The following PARD3 variants were observed in gnomAD, a reference collection of about 807,000 sequenced individuals.
PARD3 encodes partitioning defective 3 homolog.
A neutral mutation model predicts 155.4 loss-of-function variants in PARD3; 75 were observed. That is an observed-to-expected ratio of 0.48 (90% CI 0.40 to 0.58). PARD3 has a LOEUF of 0.58. Ranked by LOEUF, PARD3 falls within the 20% of genes least tolerant of loss-of-function variation. The probability of loss-of-function intolerance (pLI) is 0.00; values close to 1 mark genes in which losing one functional copy is unlikely to be tolerated. For missense variants in PARD3, 1,642 were observed against 1,721.7 expected (o/e 0.95, Z 0.82); for synonymous variants, 576 against 610.5 (o/e 0.94, Z 0.83).
intron 5 of PARD3, among the ~76,000 whole-genome samples, chr10:34,442,003 C>A (rs1003818187): frequency 6.6e-6 from 1 of 152,050 alleles, no homozygotes; most frequent in Non-Finnish European, 1.5e-5. Flanking sequence ...AATTTTAAAA[C>A]AATCTTGATG....
chr10:34,728,720 T>C (rs2094762732), intron 1 of PARD3, among the ~76,000 whole-genome samples: 1 of 152,222 alleles, frequency 6.6e-6, no homozygotes, highest in African/African-American at 2.4e-5. Flanking sequence ...TGCCTTTTGT[T>C]TCTCATTACC....
At chr10:34,490,601 T>C (rs891813476) in intron 3 of PARD3, among the ~76,000 whole-genome samples, 12 of 152,168 alleles carry the variant, frequency 7.9e-5, no homozygotes, top group Non-Finnish European at 1.3e-4. Context: ...CCTGTCAATA[T>C]AGTCTTGTGT....
intron 3 of PARD3, among the ~76,000 whole-genome samples, chr10:34,491,125 C>T (rs1340795861): frequency 4.6e-5 from 7 of 152,142 alleles, no homozygotes; most frequent in Non-Finnish European, 1.0e-4. Flanking sequence ...CTAGCCACAC[C>T]GGCTATTTAG....
rs546597910 is a variant in PARD3 at position 34,504,482 on chromosome 10, AAAT to A, written c.403+12494_403+12496del. Among the ~76,000 whole-genome samples, 24 of 152,308 alleles carry A rather than the reference AAAT, an allele frequency of 1.6e-4. No homozygotes were observed. The South Asian group carries it at 4.6e-3, about 29-fold the overall frequency. ...GTTGATATGTAGGCAATAAATTGAC[AAAT>A]AATAGTTTGTAAATTACTAATTTAC... On this transcript the variant is annotated intron_variant, in intron 3 of 24. Transcript: ENST00000374788.
intron 1 of PARD3, among the ~76,000 whole-genome samples, chr10:34,725,103 CTTTGTGTGTGTG>C (rs1287347707): frequency 2.7e-5 from 3 of 109,500 alleles, no homozygotes; most frequent in African/African-American, 1.1e-4. Context: ...TGAGTCAAAA[CTTTGTGTGTGTG>C]TGTGTGTGTG....
intron 1 of PARD3, among the ~76,000 whole-genome samples, chr10:34,720,448 C>CAAA (rs10603866): frequency 2.6e-4 from 15 of 56,866 alleles, no homozygotes; most frequent in African/African-American, 6.8e-4. Context: ...AAGGCTCTGT[C>CAAA]AAAAAAAAAA....
intron 11 of PARD3, 110 bp downstream of exon 11, chr10:34,374,764 T>C: frequency 9.9e-7 from 1 of 1,010,188 alleles, no homozygotes; most frequent in East Asian, 2.4e-5. Flanking sequence ...AAATATAAGA[T>C]CTAGAAACTC....
At chr10:34,322,171 G>A (rs906052651) in intron 19 of PARD3, among the ~76,000 whole-genome samples, 2 of 152,116 alleles carry the variant, frequency 1.3e-5, no homozygotes, top group African/African-American at 2.4e-5. Context: ...GAATGGCCCC[G>A]TTGGACTCAA....
intron 22 of PARD3, among the ~76,000 whole-genome samples, chr10:34,201,808 ACG>A: frequency 6.6e-6 from 1 of 152,340 alleles, no homozygotes; most frequent in Middle Eastern, 3.4e-3. Context: ...AAGGGAAGAA[ACG>A]TCGTTCTGTT....
rs539509259 is a variant in PARD3 at position 34,351,012 on chromosome 10, T to C, written c.2068-2897A>G. 6.6e-5 allele frequency among the ~76,000 whole-genome samples: 10 copies of C among 152,306 alleles called. No individual in the cohort carries two copies. In the South Asian group the frequency reaches 2.1e-3, roughly 32 times the overall value. On this transcript the variant is annotated intron_variant, in intron 14 of 24. Transcript: ENST00000374788. Reference sequence around the variant, plus strand: ...GTGGTCACTATCCCAAAGGAAATAATAAGCTAAGTGAATAATGAAAATTCA... The same window carrying C: ...GTGGTCACTATCCCAAAGGAAATAACAAGCTAAGTGAATAATGAAAATTCA...
intron 2 of PARD3, among the ~76,000 whole-genome samples, chr10:34,592,666 C>G (rs1218387083): frequency 6.6e-6 from 1 of 152,206 alleles, no homozygotes; most frequent in Non-Finnish European, 1.5e-5. Flanking sequence ...GTCCCAGCTA[C>G]TCCAGAGGCT....
chr10:34,194,933 C>T (rs1950875175), intron 22 of PARD3, among the ~76,000 whole-genome samples: 1 of 152,204 alleles, frequency 6.6e-6, no homozygotes, highest in Non-Finnish European at 1.5e-5. Context: ...AAAATTTCAA[C>T]TTCTGTTTAC....
At chr10:34,425,350 C>A (rs1322876215) in intron 5 of PARD3, among the ~76,000 whole-genome samples, 5 of 152,170 alleles carry the variant, frequency 3.3e-5, no homozygotes, top group African/African-American at 1.2e-4. Context: ...GTTCTATGCA[C>A]CCCGGCCACT....
At chr10:34,418,458 G>A (rs2132391302) in intron 5 of PARD3, among the ~76,000 whole-genome samples, 1 of 151,958 alleles carries the variant, frequency 6.6e-6, no homozygotes, top group Non-Finnish European at 1.5e-5. Context: ...ACAGGTGTGA[G>A]TCACCGCACC....
intron 1 of PARD3, among the ~76,000 whole-genome samples, chr10:34,793,151 G>A (rs573840593): frequency 2.6e-5 from 4 of 152,280 alleles, no homozygotes; most frequent in African/African-American, 9.6e-5. Flanking sequence ...CCGTCGCAGA[G>A]GCCACAAAGA....
At position 34,741,612 on chromosome 10, in the gene PARD3, C is replaced by T. The variant is rs188705570; in HGVS notation, c.121-45193G>A. 8.8e-3 allele frequency among the ~76,000 whole-genome samples: 1,337 copies of T among 152,314 alleles called. 11 individuals are homozygous for T. Among genetic ancestry groups the T allele is most frequent in the Non-Finnish European group, 0.011 (778 of 68,034 alleles). On this transcript the variant is annotated intron_variant, in intron 1 of 24. Transcript: ENST00000374788. ...CCCCTGTGCAGAGGAGCGCAGCCAT[C>T]TACAAATGGACCACAGAACAAAGAG...
At chr10:34,391,847 GC>G (rs1842897430) in intron 7 of PARD3, among the ~76,000 whole-genome samples, 1 of 152,004 alleles carries the variant, frequency 6.6e-6, no homozygotes, top group Non-Finnish European at 1.5e-5. Context: ...ACTCAAAAAC[GC>G]AAAACATTAA....
chr10:34,455,245 G>A (rs992822284), intron 4 of PARD3, among the ~76,000 whole-genome samples: 1 of 151,984 alleles, frequency 6.6e-6, no homozygotes, highest in Non-Finnish European at 1.5e-5. Context: ...AGCATATTTT[G>A]AAATACAAAA....
intron 19 of PARD3, among the ~76,000 whole-genome samples, chr10:34,328,085 G>A (rs762572829): frequency 9.9e-5 from 15 of 152,202 alleles, no homozygotes; most frequent in Admixed American, 1.3e-4. Context: ...GAGGCAGAAA[G>A]TGCCTTCGCG....
Sources: allele counts gnomAD v4.1 joint callset (sites outside exome capture counted in the v4.1 genomes callset), GRCh38; gene constraint gnomAD v4.1.1; transcripts MANE v1.5; gene names NCBI Gene and HGNC (gene_info 2026-07-23, HGNC 2026-07-21).